Variants in MSH3 observed in about 807,000 individuals in gnomAD.
MSH3 encodes DNA mismatch repair protein Msh3.
MSH3 carries 106 observed loss-of-function variants against 123.3 expected under a neutral mutation model. The ratio of observed to expected loss-of-function variants is 0.86; its 90% CI spans 0.73 to 1.01. MSH3 has a LOEUF of 1.01. MSH3 is among the 50% of genes least tolerant of loss of function. The pLI is 0.00. For synonymous variants in MSH3, 515 were observed against 481.4 expected (o/e 1.07, Z -0.91); for missense variants, 1,459 against 1,347.6 (o/e 1.08, Z -1.29).
intron 20 of MSH3, among the ~76,000 whole-genome samples, chr5:80,844,322 T>C (rs1745679076): frequency 1.3e-5 from 2 of 152,158 alleles, no homozygotes; most frequent in Admixed American, 6.6e-5. Flanking sequence ...CTTCCAGTTA[T>C]GTGGTCAATT....
chr5:80,821,903 A>G (rs1362121616), intron 20 of MSH3, among the ~76,000 whole-genome samples: 1 of 152,216 alleles, frequency 6.6e-6, no homozygotes, highest in Non-Finnish European at 1.5e-5. Flanking sequence ...AACCAACATG[A>G]GTAATAAAGT....
intron 13 of MSH3, among the ~76,000 whole-genome samples, chr5:80,762,276 A>C (rs1309685332): frequency 1.3e-5 from 2 of 152,230 alleles, no homozygotes; most frequent in East Asian, 3.9e-4. Flanking sequence ...TTTTTAAATG[A>C]TAAAACACTA....
At chr5:80,798,159 G>A (rs891971342) in intron 19 of MSH3, among the ~76,000 whole-genome samples, 4 of 152,038 alleles carry the variant, frequency 2.6e-5, no homozygotes, top group Non-Finnish European at 4.4e-5. Context: ...GGAAGCACTC[G>A]AACCCTGTAG....
chr5:80,730,659 G>T (rs1253979720), intron 10 of MSH3, among the ~76,000 whole-genome samples: 1 of 152,000 alleles, frequency 6.6e-6, no homozygotes, highest in Non-Finnish European at 1.5e-5. Flanking sequence ...GTAAAAAAAG[G>T]GGTGACAAGA....
chr5:80,863,694 G>T (rs929143216), intron 21 of MSH3, among the ~76,000 whole-genome samples: 8 of 151,972 alleles, frequency 5.3e-5, no homozygotes, highest in South Asian at 4.1e-4. Flanking sequence ...CATTGGTTTG[G>T]TTCAGAAAGG....
chr5:80,725,760 G>A (rs1468405547), intron 9 of MSH3, among the ~76,000 whole-genome samples, 195 bp downstream of exon 9: 3 of 152,180 alleles, frequency 2.0e-5, no homozygotes, highest in Non-Finnish European at 4.4e-5. Flanking sequence ...AGGTAGGGGA[G>A]GATCGCCTGA....
chr5:80,846,850 C>T (rs1745731710), intron 20 of MSH3, among the ~76,000 whole-genome samples: 1 of 152,192 alleles, frequency 6.6e-6, no homozygotes, highest in African/African-American at 2.4e-5. Context: ...AAAAGGAAAT[C>T]CCCCGTCCCC....
intron 19 of MSH3, among the ~76,000 whole-genome samples, chr5:80,806,565 T>C (rs1353939489): frequency 4.6e-5 from 7 of 152,220 alleles, no homozygotes; most frequent in Admixed American, 3.3e-4. Context: ...TTCTGAACTC[T>C]TATTTTTCAC....
intron 20 of MSH3, among the ~76,000 whole-genome samples, chr5:80,814,912 C>A (rs559121369): frequency 1.1e-4 from 16 of 152,314 alleles, no homozygotes; most frequent in African/African-American, 3.8e-4. Flanking sequence ...GTAGTTTAAT[C>A]TGTTTAACAC....
chr5:80,790,023 TTCATA>T (rs1302651844), intron 18 of MSH3, among the ~76,000 whole-genome samples: 2 of 152,336 alleles, frequency 1.3e-5, no homozygotes, highest in African/African-American at 4.8e-5. Context: ...CAAGTTAACT[TTCATA>T]TCCTGCTTGT....
chr5:80,724,650 T>C (rs1184184305), intron 8 of MSH3, among the ~76,000 whole-genome samples: 1 of 152,124 alleles, frequency 6.6e-6, no homozygotes, highest in Non-Finnish European at 1.5e-5. Context: ...CTTTAAAGAG[T>C]GAGAGTTAAC....
At chr5:80,765,563 T>C (rs1744108129) in intron 13 of MSH3, among the ~76,000 whole-genome samples, 1 of 152,222 alleles carries the variant, frequency 6.6e-6, no homozygotes, top group South Asian at 2.1e-4. Flanking sequence ...TACTATCTAT[T>C]ATGTGCCTTA....
chr5:80,761,805 G>C, intron 13 of MSH3, 127 bp downstream of exon 13: 1 of 1,036,314 alleles, frequency 9.6e-7, no homozygotes, highest in Non-Finnish European at 1.4e-6. Context: ...TAGCATGCGA[G>C]AGTAGCTGAA....
intron 18 of MSH3, among the ~76,000 whole-genome samples, chr5:80,788,769 C>G (rs1744558276): frequency 6.7e-6 from 1 of 148,478 alleles, no homozygotes. Flanking sequence ...TGCCCATGCA[C>G]TCCAGCCTGG....
chr5:80,784,221 A>AAAAAAAAAAAAAAAAAAAAAAAAAAC (rs1744460575), intron 17 of MSH3, among the ~76,000 whole-genome samples: 1 of 132,844 alleles, frequency 7.5e-6, no homozygotes, highest in Non-Finnish European at 1.5e-5. Flanking sequence ...GCAAAAAAAA[A>AAAAAAAAAAAAAAAAAAAAAAAAAAC]AAAAAAAAAA....
chr5:80,747,092 C>T (rs1743734945), intron 12 of MSH3, among the ~76,000 whole-genome samples: 1 of 152,162 alleles, frequency 6.6e-6, no homozygotes, highest in Admixed American at 6.5e-5. Context: ...CCTTGTAGAG[C>T]AGACGCAGAC....
In MSH3 at chr5:80,744,777, G is replaced by A. The variant is rs745913127; in HGVS notation, c.1763+162G>A. On this transcript the variant is annotated intron_variant, in intron 12 of 23. Coordinates refer to ENST00000265081, the MANE Select transcript of MSH3 (RefSeq NM_002439.5). ...ATAGACTGGCTCTCTAGTATTACAAGGATTTTTTTCCTCATTCTCGTGAAT... is the reference window on the plus strand; with the variant it reads ...ATAGACTGGCTCTCTAGTATTACAAAGATTTTTTTCCTCATTCTCGTGAAT... Among the ~76,000 whole-genome samples the A allele has an allele frequency of 5.3e-5, 8 of 152,268 alleles. 1 individual carries two copies. The East Asian group carries it at 1.5e-3, about 29-fold the overall frequency.
intron 12 of MSH3, among the ~76,000 whole-genome samples, chr5:80,745,286 A>G (rs760060489): frequency 1.3e-5 from 2 of 152,176 alleles, no homozygotes; most frequent in Non-Finnish European, 2.9e-5. Context: ...TTGAGATTTA[A>G]ATTTTACCCA....
chr5:80,674,135 C>G (rs1749781115), intron 6 of MSH3, among the ~76,000 whole-genome samples: 1 of 151,910 alleles, frequency 6.6e-6, no homozygotes, highest in South Asian at 2.1e-4. Context: ...TTTATTTTTT[C>G]TTTTGCTAAA....
Sources: allele counts gnomAD v4.1 joint callset (sites outside exome capture counted in the v4.1 genomes callset), GRCh38; gene constraint gnomAD v4.1.1; transcripts MANE v1.5; gene names NCBI Gene and HGNC (gene_info 2026-07-23, HGNC 2026-07-21).